Variants in KCNAB1 observed in about 807,000 individuals in gnomAD.
KCNAB1 encodes the protein voltage-gated potassium channel subunit beta-1.
A neutral mutation model predicts 64.6 loss-of-function variants in KCNAB1; 35 were observed. That is an observed-to-expected ratio of 0.54 (90% CI 0.41 to 0.72). The LOEUF is 0.72. Ranked by LOEUF, KCNAB1 falls within the 30% of genes least tolerant of loss-of-function variation. The pLI, the probability that KCNAB1 is intolerant of heterozygous loss-of-function variation, is 0.00. For missense variants in KCNAB1, 401 were observed against 512.9 expected, an observed-to-expected ratio of 0.78 and a Z score of 2.11; for synonymous variants, 177 against 183.8, an observed-to-expected ratio of 0.96 and a Z score of 0.30.
At chr3:156,309,670 C>T (rs1311482908) in intron 1 of KCNAB1, among the ~76,000 whole-genome samples, 1 of 152,138 alleles carries the variant, frequency 6.6e-6, no homozygotes. Context: ...TGTTACAAAC[C>T]ATGGATACCA....
intron 1 of KCNAB1, among the ~76,000 whole-genome samples, chr3:156,174,377 G>A (rs1393285826): frequency 6.6e-6 from 1 of 152,228 alleles, no homozygotes; most frequent in Non-Finnish European, 1.5e-5. Flanking sequence ...AGGAGGAGCT[G>A]CTTTCTGCAG....
chr3:156,192,971 A>C (rs928132389), intron 1 of KCNAB1, among the ~76,000 whole-genome samples: 1 of 152,032 alleles, frequency 6.6e-6, no homozygotes, highest in Non-Finnish European at 1.5e-5. Flanking sequence ...GGTTTAATTA[A>C]ATGTAAATTA....
chr3:156,366,715 G>A (rs1270732538), intron 1 of KCNAB1, among the ~76,000 whole-genome samples: 1 of 152,230 alleles, frequency 6.6e-6, no homozygotes, highest in Non-Finnish European at 1.5e-5. Context: ...CCTAAGCCAT[G>A]TTTAGAGCAA....
chr3:156,204,607 G>A (rs1714542083), intron 1 of KCNAB1, among the ~76,000 whole-genome samples: 1 of 151,798 alleles, frequency 6.6e-6, no homozygotes, highest in Non-Finnish European at 1.5e-5. Flanking sequence ...GAGGCGGGTG[G>A]ATCACTTGAG....
At chr3:156,361,322 C>T (rs1486872559) in intron 1 of KCNAB1, among the ~76,000 whole-genome samples, 1 of 152,126 alleles carries the variant, frequency 6.6e-6, no homozygotes, top group African/African-American at 2.4e-5. Context: ...TCTCATAGGG[C>T]AGGTTTTCAG....
At chr3:156,179,000 C>CAAAAAAA (rs200144513) in intron 1 of KCNAB1, among the ~76,000 whole-genome samples, 3 of 108,072 alleles carry the variant, frequency 2.8e-5, no homozygotes, top group Admixed American at 1.7e-4. Flanking sequence ...GACTCCGTCT[C>CAAAAAAA]AAAAAAAAAA....
At chr3:156,198,240 G>T (rs1011151287) in intron 1 of KCNAB1, among the ~76,000 whole-genome samples, 9 of 152,190 alleles carry the variant, frequency 5.9e-5, no homozygotes, top group African/African-American at 1.7e-4. Flanking sequence ...AGTGCTGTGT[G>T]GTGCTGAGAA....
intron 1 of KCNAB1, among the ~76,000 whole-genome samples, chr3:156,212,756 C>T (rs1295419429): frequency 6.6e-6 from 1 of 152,112 alleles, no homozygotes; most frequent in Admixed American, 6.5e-5. Context: ...CAAGGAAGCA[C>T]TTCTGGGATG....
intron 1 of KCNAB1, among the ~76,000 whole-genome samples, chr3:156,384,791 A>G (rs1438305954): frequency 6.6e-6 from 1 of 152,134 alleles, no homozygotes; most frequent in Non-Finnish European, 1.5e-5. Flanking sequence ...GAAAACTTCC[A>G]TTCTGTGAAA....
chr3:156,317,737 T>G (rs942360093), intron 1 of KCNAB1, among the ~76,000 whole-genome samples: 1 of 152,194 alleles, frequency 6.6e-6, no homozygotes, highest in African/African-American at 2.4e-5. Context: ...AATTTTTTAA[T>G]GTATCCCAGC....
At chr3:156,283,333 C>G (rs1157366460) in intron 1 of KCNAB1, among the ~76,000 whole-genome samples, 2 of 151,300 alleles carry the variant, frequency 1.3e-5, no homozygotes, top group Non-Finnish European at 2.9e-5. Context: ...GCTGAGAGAT[C>G]TGCTGTTAGT....
At chr3:156,147,786 C>T (rs533844808) in intron 1 of KCNAB1, among the ~76,000 whole-genome samples, 1 of 152,212 alleles carries the variant, frequency 6.6e-6, no homozygotes, top group Admixed American at 6.5e-5. Flanking sequence ...AAAATTGAGG[C>T]TCAGAGATGT....
intron 1 of KCNAB1, among the ~76,000 whole-genome samples, chr3:156,164,198 A>G (rs1391508630): frequency 6.6e-6 from 1 of 152,192 alleles, no homozygotes. Flanking sequence ...TTTATGGTTT[A>G]GATGTGACTA....
intron 1 of KCNAB1, among the ~76,000 whole-genome samples, chr3:156,144,650 C>G (rs756507047): frequency 6.6e-6 from 1 of 152,168 alleles, no homozygotes; most frequent in Non-Finnish European, 1.5e-5. Flanking sequence ...TGTCCCCCCA[C>G]GTTTTCTCTC....
chr3:156,485,365 C>T (rs912421161), intron 8 of KCNAB1, among the ~76,000 whole-genome samples: 2 of 151,966 alleles, frequency 1.3e-5, no homozygotes, highest in African/African-American at 4.8e-5. Context: ...TTTGTTTTTC[C>T]CTCTCTTGTT....
intron 1 of KCNAB1, among the ~76,000 whole-genome samples, chr3:156,323,632 G>A (rs1722804587): frequency 6.6e-6 from 1 of 152,148 alleles, no homozygotes; most frequent in Non-Finnish European, 1.5e-5. Context: ...TTTCTTTTAT[G>A]TTGGTAAAGG....
chr3:156,526,239 AT>A (rs1437559713), intron 12 of KCNAB1, among the ~76,000 whole-genome samples: 1 of 152,220 alleles, frequency 6.6e-6, no homozygotes, highest in African/African-American at 2.4e-5. Context: ...CTAGGTTTGC[AT>A]AAGTACCCTA....
At chr3:156,128,085 A>G (rs1272407058) in intron 1 of KCNAB1, among the ~76,000 whole-genome samples, 1 of 152,214 alleles carries the variant, frequency 6.6e-6, no homozygotes, top group Non-Finnish European at 1.5e-5. Flanking sequence ...CTCTGCCGCT[A>G]CAGGGAATGG....
At chr3:156,466,080 CAT>C (rs1713351387) in intron 7 of KCNAB1, among the ~76,000 whole-genome samples, 2 of 152,014 alleles carry the variant, frequency 1.3e-5, no homozygotes, top group African/African-American at 4.8e-5. Flanking sequence ...AATGTGAAAA[CAT>C]TTTTATCCCC....
Sources: gnomAD v4.1 joint callset for allele counts (sites outside exome capture counted in the v4.1 genomes callset) on GRCh38, gnomAD v4.1.1 for gene constraint, MANE v1.5 for transcripts, NCBI Gene and HGNC (gene_info 2026-07-23, HGNC 2026-07-21) for gene names.